The following ZSWIM4 variants were observed in gnomAD, a reference collection of about 807,000 sequenced individuals.
The protein encoded by ZSWIM4 is zinc finger SWIM domain-containing protein 4.
ZSWIM4 carries 62 observed loss-of-function variants against 102.5 expected under a neutral mutation model. The observed-to-expected ratio is 0.60, with a 90% CI of 0.49 to 0.75. The LOEUF (loss-of-function observed/expected upper bound fraction) is 0.75, where lower values mean the gene tolerates loss of function less well. Among genes scored for constraint, ZSWIM4 ranks in the 30% least tolerant of loss-of-function variants. ZSWIM4 has a pLI of 0.00. For synonymous variants in ZSWIM4, 652 were observed against 674.5 expected, an observed-to-expected ratio of 0.97 and a Z score of 0.52; for missense variants, 1,280 against 1,529.6, an observed-to-expected ratio of 0.84 and a Z score of 2.72.
rs900302015 is a variant in ZSWIM4, at chr19:13,814,775, C to T, written c.1441C>T (p.Arg481Cys). The T allele has an allele frequency of 1.0e-5, 13 of 1,286,320 alleles. No individual in the cohort carries two copies. The highest frequency in any genetic ancestry group is 2.1e-4 in the Middle Eastern group (1 of 4,690). 79.7% of individuals were successfully genotyped at this position (1,286,320 alleles called of 1,614,324 possible). The change falls in exon 7 of 14, where the codon CGC becomes TGC. Residue 481 changes from arginine (R) to cysteine (C), a missense_variant. Transcript: ENST00000590508. The part of the protein sequence containing the change: ...VDTLRAHGYP[R>C]QALRLASAII... ...CACCCTGCGTGCCCACGGATACCCCCGCCAGGCCCTGCGGCTGGCAAGTGC... is the reference window on the plus strand; with the variant it reads ...CACCCTGCGTGCCCACGGATACCCCTGCCAGGCCCTGCGGCTGGCAAGTGC...
Position 13,830,951 on chromosome 19 carries a change from C to G in ZSWIM4, c.3222C>G (p.Pro1074=). 1 of 1,614,142 alleles carries G rather than the reference C, an allele frequency of 6.2e-7. No individual in the cohort carries two copies. Among genetic ancestry groups the G allele is most frequent in the Middle Eastern group, 1.6e-4 (1 of 6,062 alleles). Residue 1074 remains proline (P), a synonymous_variant, in exon 14 of 14, where the codon CCC becomes CCG. Transcript: ENST00000590508. The part of the protein sequence containing the change: ...GKARETFLLA[P]DGHLQFSQFL... ...CCCGGGAGACCTTCCTGCTGGCGCC[C>G]GACGGGCACCTCCAGTTCTCACAGT...
In ZSWIM4 at chr19:13,796,027, C is replaced by T. The variant is rs191930583; in HGVS notation, c.153+226C>T. On this transcript the variant is annotated intron_variant, in intron 1 of 13. Transcript: ENST00000590508. ...CCCCATCCCTTCTCTGCCATCTCTG[C>T]CCCTCAGCGCCCCAGATCCCAAATC... is the stretch of plus-strand genomic sequence containing the variant. Among the ~76,000 whole-genome samples, 39 of 151,172 alleles carry T rather than the reference C, an allele frequency of 2.6e-4. No homozygotes were observed. The East Asian group carries it at 6.5e-3, about 25-fold the overall frequency.
chr19:13,819,300 T>C (rs1975393760), intron 9 of ZSWIM4, 57 bp from the exon 10 acceptor site: 1 of 1,602,882 alleles, frequency 6.2e-7, no homozygotes, highest in African/African-American at 1.3e-5. Flanking sequence ...TAGTGAGACC[T>C]GGGGAAGGGC....
chr19:13,812,580 C>T (rs1975133810), intron 5 of ZSWIM4, among the ~76,000 whole-genome samples: 1 of 151,536 alleles, frequency 6.6e-6, no homozygotes, highest in South Asian at 2.1e-4. Context: ...CTGCCTCAGC[C>T]TCCTGAATAG....
chr19:13,812,640 T>G (rs1488713569), intron 5 of ZSWIM4, among the ~76,000 whole-genome samples: 3 of 150,192 alleles, frequency 2.0e-5, no homozygotes, highest in African/African-American at 7.3e-5. Flanking sequence ...TTTTTTTTTT[T>G]GGTATTTTCA....
Position 13,825,320 on chromosome 19 carries a change from C to T in ZSWIM4, c.2216-230C>T, listed in dbSNP as rs960040471. ...GGGATTACAGGTGTGAGCCACTGCGCCCGGCCCCTAGGTGGCTTTCTGTAA... is the reference window on the plus strand; with the variant it reads ...GGGATTACAGGTGTGAGCCACTGCGTCCGGCCCCTAGGTGGCTTTCTGTAA... On this transcript the variant is annotated intron_variant, in intron 11 of 13. Transcript: ENST00000590508. This position sits in a 1 kb window ranked among gnomAD's most constrained non-coding sequence, Gnocchi z 4.6. 2.0e-5 allele frequency among the ~76,000 whole-genome samples: 3 copies of T among 152,070 alleles called. No individual in the cohort carries two copies. Among genetic ancestry groups the T allele is most frequent in the African/African-American group, 4.8e-5 (2 of 41,402 alleles).
intron 2 of ZSWIM4, among the ~76,000 whole-genome samples, chr19:13,800,244 CTTTTTTTTTTTTTTTTTTTTTTTTTT>C (rs750229248): frequency 3.6e-5 from 1 of 27,510 alleles, no homozygotes; most frequent in Non-Finnish European, 7.9e-5. Flanking sequence ...TTTTGTATTT[CTTTTTTTTTTTTTTTTTTTTTTTTTT>C]TTTTTTTTTT....
chr19:13,817,126 G>A, intron 7 of ZSWIM4, 90 bp from the exon 8 acceptor site: 1 of 1,500,724 alleles, frequency 6.7e-7, no homozygotes. Flanking sequence ...ATGGGGCTAG[G>A]CTGGCTGGCA....
chr19:13,817,663 C>CT (rs1975331467), intron 8 of ZSWIM4, 59 bp from the exon 9 acceptor site: 1 of 1,583,070 alleles, frequency 6.3e-7, no homozygotes, highest in Admixed American at 1.8e-5. Context: ...AGGCCAAGGG[C>CT]TACAGGGACC....
rs991536250 is a variant in ZSWIM4, at chr19:13,825,322, C to T, written c.2216-228C>T. Among the ~76,000 whole-genome samples, 2 of 152,028 alleles carry T rather than the reference C, an allele frequency of 1.3e-5. No individual in the cohort carries two copies. Among genetic ancestry groups the T allele is most frequent in the Non-Finnish European group, 2.9e-5 (2 of 67,994 alleles). ...GATTACAGGTGTGAGCCACTGCGCC[C>T]GGCCCCTAGGTGGCTTTCTGTAACA... On this transcript the variant is annotated intron_variant, in intron 11 of 13. Coordinates refer to ENST00000590508, the MANE Select transcript of ZSWIM4 (RefSeq NM_001367834.3). This position sits in a 1 kb window ranked among gnomAD's most constrained non-coding sequence, Gnocchi z 4.6.
At chr19:13,798,964 T>C (rs1974682386) in intron 1 of ZSWIM4, among the ~76,000 whole-genome samples, 1 of 151,738 alleles carries the variant, frequency 6.6e-6, no homozygotes, top group Non-Finnish European at 1.5e-5. Context: ...AATTTTTGTA[T>C]TTTTAGTAGA....
chr19:13,814,265 T>C (rs1975198999), intron 6 of ZSWIM4, among the ~76,000 whole-genome samples: 1 of 151,956 alleles, frequency 6.6e-6, no homozygotes, highest in Non-Finnish European at 1.5e-5. Context: ...GCCAGGCTGG[T>C]CTCGAACTCC....
intron 11 of ZSWIM4, among the ~76,000 whole-genome samples, chr19:13,823,730 G>A (rs1287909701): frequency 6.6e-6 from 1 of 152,204 alleles, no homozygotes; most frequent in Non-Finnish European, 1.5e-5. Flanking sequence ...GGAGAAGAGA[G>A]TGATGCAGTA....
intron 7 of ZSWIM4, 76 bp downstream of exon 7, chr19:13,814,941 G>A (rs1399873708): frequency 1.1e-6 from 1 of 916,066 alleles, no homozygotes; most frequent in African/African-American, 1.8e-5. Context: ...AGGATTGCTT[G>A]AGGCCAGGAG....
chr19:13,807,326 A>G (rs1974944675), intron 3 of ZSWIM4, among the ~76,000 whole-genome samples: 1 of 151,076 alleles, frequency 6.6e-6, no homozygotes, highest in African/African-American at 2.4e-5. Context: ...GAAATGGGGG[A>G]TATGGCCAGG....
chr19:13,814,031 T>C (rs1438776908), intron 6 of ZSWIM4, among the ~76,000 whole-genome samples: 1 of 151,530 alleles, frequency 6.6e-6, no homozygotes, highest in East Asian at 1.9e-4. Flanking sequence ...GTGATGGGCC[T>C]GTACTAGCTC....
At chr19:13,805,409 G>C (rs1207576242) in intron 3 of ZSWIM4, among the ~76,000 whole-genome samples, 1 of 151,812 alleles carries the variant, frequency 6.6e-6, no homozygotes, top group African/African-American at 2.4e-5. Context: ...GCGTTAGAGG[G>C]CAAGTGGGAG....
rs369080126 is a variant in ZSWIM4, at chr19:13,819,332, G to T, written c.1925-25G>T. ...GGGCAGAGGCGAGCCCACACTTGGG[G>T]ACTGAGCTCAGGCTGTTCCTGCAGG... is the stretch of plus-strand genomic sequence containing the variant. On this transcript the variant is annotated intron_variant, in intron 9 of 13. Coordinates refer to ENST00000590508, the MANE Select transcript of ZSWIM4 (RefSeq NM_001367834.3). The T allele has an allele frequency of 5.6e-5, 90 of 1,613,212 alleles. 1 individual carries two copies. In the South Asian group the frequency reaches 9.1e-4, roughly 16 times the overall value.
At chr19:13,805,212 G>C in intron 3 of ZSWIM4, 64 bp downstream of exon 3, 3 of 1,400,572 alleles carry the variant, frequency 2.1e-6, no homozygotes, top group Non-Finnish European at 9.9e-7. Flanking sequence ...GCCACTTGCT[G>C]TGTGCCCAGT....
Sources: gnomAD v4.1 joint callset for allele counts (sites outside exome capture counted in the v4.1 genomes callset) on GRCh38, gnomAD v4.1.1 for gene constraint, Gnocchi (gnomAD v3.1) non-coding constraint, MANE v1.5 for transcripts, NCBI Gene and HGNC (gene_info 2026-07-23, HGNC 2026-07-21) for gene names.